EXOC2: variants seen among roughly 807,000 people sequenced by gnomAD.
EXOC2 encodes the protein exocyst complex component 2.
EXOC2 carries 70 observed loss-of-function variants against 131.8 expected under a neutral mutation model. The observed-to-expected ratio is 0.53, with a 90% CI of 0.44 to 0.65. EXOC2 has a LOEUF of 0.65. Ranked by LOEUF, EXOC2 falls within the 30% of genes least tolerant of loss-of-function variation. EXOC2 has a pLI of 0.00. For missense variants in EXOC2, 923 were observed against 1,108.6 expected, an observed-to-expected ratio of 0.83 and a Z score of 2.38; for synonymous variants, 411 against 398.4, an observed-to-expected ratio of 1.03 and a Z score of -0.38.
chr6:600,749 GAC>G (rs1327544204), intron 7 of EXOC2, among the ~76,000 whole-genome samples: 3 of 146,804 alleles, frequency 2.0e-5, no homozygotes, highest in Admixed American at 2.0e-4. Flanking sequence ...ATAAAATAGA[GAC>G]AGAGAAAAAT....
chr6:661,123 A>G (rs1207323921), intron 1 of EXOC2, among the ~76,000 whole-genome samples: 1 of 152,222 alleles, frequency 6.6e-6, no homozygotes, highest in African/African-American at 2.4e-5. Context: ...GAAAATATGA[A>G]CAAAGCCTCC....
intron 4 of EXOC2, 135 bp downstream of exon 4, chr6:629,700 C>T: frequency 9.8e-7 from 1 of 1,016,954 alleles, no homozygotes; most frequent in Non-Finnish European, 1.4e-6. Flanking sequence ...TAAATAACAC[C>T]CATCTCCAAA....
At position 581,167 on chromosome 6, in the gene EXOC2, A is replaced by G. The variant is rs932535391; in HGVS notation, c.1193-4285T>C. ...AAAAAATTAGCCAGCGCGGTGGCAC[A>G]TGCCTGTAGTCCCAGCTACTCGAGA... On this transcript the variant is annotated intron_variant, in intron 11 of 27. Transcript: ENST00000230449. 3.3e-5 allele frequency among the ~76,000 whole-genome samples: 5 copies of G among 152,040 alleles called. No individual in the cohort carries two copies. In the South Asian group the frequency reaches 8.3e-4, roughly 25 times the overall value.
rs1006412725 is a variant in EXOC2, at chr6:536,465, C to G, written c.2239-3855G>C. On this transcript the variant is annotated intron_variant, in intron 22 of 27. Coordinates refer to ENST00000230449, the MANE Select transcript of EXOC2 (RefSeq NM_018303.6). ...TGAAAGAAATTAAAGATGGCCTAAA[C>G]AAATAAATAGGATCATCAATATTGG... is the stretch of plus-strand genomic sequence containing the variant. 2.0e-5 allele frequency among the ~76,000 whole-genome samples: 3 copies of G among 152,022 alleles called. No individual in the cohort carries two copies. The South Asian group carries it at 6.2e-4, about 32-fold the overall frequency.
At chr6:514,804 T>TG (rs1765051394) in intron 23 of EXOC2, among the ~76,000 whole-genome samples, 1 of 152,302 alleles carries the variant, frequency 6.6e-6, no homozygotes, top group East Asian at 1.9e-4. Context: ...AGGCAGGCCC[T>TG]GGGTCAAGCC....
chr6:627,183 G>A (rs1320766133), intron 4 of EXOC2, among the ~76,000 whole-genome samples: 5 of 131,566 alleles, frequency 3.8e-5, no homozygotes, highest in African/African-American at 1.5e-4. Flanking sequence ...TCTAAAACAA[G>A]ATTTATCTAA....
chr6:626,269 ACAGT>A (rs1173610316), intron 4 of EXOC2, among the ~76,000 whole-genome samples: 2 of 152,216 alleles, frequency 1.3e-5, no homozygotes, highest in African/African-American at 4.8e-5. Flanking sequence ...AAGGGTCTTA[ACAGT>A]CAAAGACAGC....
chr6:617,779 C>A lies in EXOC2; in HGVS notation c.593G>T (p.Ser198Ile). The change falls in exon 6 of 28, where the codon AGT becomes ATT. Residue 198 changes from serine (S) to isoleucine (I), a missense_variant. Coordinates refer to ENST00000230449, the MANE Select transcript of EXOC2 (RefSeq NM_018303.6). ...TTTCACATAGGCCAGGCTGCCCTCA[C>A]TCTTCTTGTTAGCCTGTCTCTTTAG... Reference protein sequence around the residue: ...TNLKRQANKKSEGSLAYVKGG... With the variant: ...TNLKRQANKKIEGSLAYVKGG... 1.9e-6 allele frequency: 3 copies of A among 1,613,728 alleles called. No individual in the cohort carries two copies. The highest frequency in any genetic ancestry group is 2.5e-6 in the Non-Finnish European group (3 of 1,179,818).
At chr6:674,566 T>C (rs1168357367) in intron 1 of EXOC2, among the ~76,000 whole-genome samples, 1 of 152,142 alleles carries the variant, frequency 6.6e-6, no homozygotes, top group Non-Finnish European at 1.5e-5. Flanking sequence ...TAAGCTATTG[T>C]AAAGGCTTTT....
intron 4 of EXOC2, among the ~76,000 whole-genome samples, chr6:621,825 TG>T (rs755978358): frequency 6.6e-6 from 1 of 152,210 alleles, no homozygotes; most frequent in Non-Finnish European, 1.5e-5. Flanking sequence ...TATTTTGGTT[TG>T]GATTCTTCAT....
At chr6:632,563 A>C (rs1044387266) in intron 3 of EXOC2, among the ~76,000 whole-genome samples, 1 of 152,210 alleles carries the variant, frequency 6.6e-6, no homozygotes, top group Non-Finnish European at 1.5e-5. Context: ...TATTATTTAG[A>C]TATATTATTA....
At chr6:566,231 T>G (rs1276446708) in intron 13 of EXOC2, among the ~76,000 whole-genome samples, 1 of 152,236 alleles carries the variant, frequency 6.6e-6, no homozygotes, top group Non-Finnish European at 1.5e-5. Context: ...TAGGTTGATT[T>G]TTCCTTTATT....
chr6:492,959 A>G (rs1466200855), intron 25 of EXOC2, among the ~76,000 whole-genome samples: 2 of 152,226 alleles, frequency 1.3e-5, no homozygotes, highest in African/African-American at 2.4e-5. Flanking sequence ...ACTTCTACGC[A>G]AGCATGAATA....
chr6:491,765 C>T (rs573540928), intron 25 of EXOC2, among the ~76,000 whole-genome samples: 286 of 152,312 alleles, frequency 1.9e-3, no homozygotes, highest in African/African-American at 6.6e-3. Flanking sequence ...TCAGAACAGC[C>T]AAAACAATCT....
intron 25 of EXOC2, among the ~76,000 whole-genome samples, chr6:496,896 T>C (rs7770055): frequency 0.16 from 24,977 of 152,110 alleles, 3,473 homozygotes; most frequent in African/African-American, 0.38. Flanking sequence ...TCTGCAGGCA[T>C]GCCTAGCAAC....
intron 6 of EXOC2, among the ~76,000 whole-genome samples, chr6:615,861 C>G (rs969905726): frequency 6.6e-6 from 1 of 151,978 alleles, no homozygotes; most frequent in Non-Finnish European, 1.5e-5. Flanking sequence ...GACATATCAC[C>G]TATAAAAATA....
intron 17 of EXOC2, among the ~76,000 whole-genome samples, chr6:559,503 G>A (rs748538055): frequency 5.9e-5 from 9 of 152,212 alleles, no homozygotes; most frequent in Non-Finnish European, 8.8e-5. Context: ...TGTCTTGGCT[G>A]ACTCCAGACG....
chr6:518,771 T>A (rs1765301440), intron 23 of EXOC2, among the ~76,000 whole-genome samples: 1 of 152,162 alleles, frequency 6.6e-6, no homozygotes, highest in African/African-American at 2.4e-5. Flanking sequence ...AGATGACCAA[T>A]GAAAATTATA....
At position 599,081 on chromosome 6, in the gene EXOC2, T is replaced by C. The variant is rs1206925729; in HGVS notation, c.887A>G (p.Lys296Arg). ...TAAATAAATAAACATGTACTCTACC[T>C]TTTGAATATTCCTTTCAATATTTAG... ...LPLNIERNIQ[K>R]GDYDVVINDY... The change falls in exon 8 of 28, where the codon AAG becomes AGG. Residue 296 changes from lysine (K) to arginine (R), a missense_variant and splice_region_variant. Transcript: ENST00000230449. The C allele has an allele frequency of 6.2e-7, 1 of 1,608,868 alleles. No homozygotes were observed. The highest frequency in any genetic ancestry group is 8.5e-7 in the Non-Finnish European group (1 of 1,176,920).
Sources: allele counts gnomAD v4.1 joint callset (sites outside exome capture counted in the v4.1 genomes callset), GRCh38; gene constraint gnomAD v4.1.1; transcripts MANE v1.5; gene names NCBI Gene and HGNC (gene_info 2026-07-23, HGNC 2026-07-21).